Variants in AHSA1 observed in about 807,000 individuals in gnomAD.
The protein encoded by AHSA1 is activator of HSP90 ATPase activity 1, also known as activator of 90 kDa heat shock protein ATPase homolog 1.
A neutral mutation model predicts 46.1 loss-of-function variants in AHSA1; 14 were observed. The ratio of observed to expected loss-of-function variants is 0.30; its 90% CI spans 0.20 to 0.47. AHSA1 has a LOEUF of 0.47. Among genes scored for constraint, AHSA1 ranks in the 20% least tolerant of loss-of-function variants. AHSA1 has a pLI of 0.99. For missense variants in AHSA1, 333 were observed against 415.9 expected (o/e 0.80, Z 1.73); for synonymous variants, 147 against 145.8 (o/e 1.01, Z -0.06).
Position 77,469,142 on chromosome 14 carries a change from G to A in AHSA1, c.910G>A (p.Gly304Ser). Residue 304 changes from glycine (G) to serine (S), a missense_variant, in exon 9 of 9, where the codon GGT becomes AGT. By Grantham distance (56) the Gly-to-Ser change is moderately conservative. Coordinates refer to ENST00000216479, the MANE Select transcript of AHSA1 (RefSeq NM_012111.3). ...KNGETELCME[G>S]RGIPAPEEER... Reference sequence around the variant, plus strand: ...CGGAGAGACTGAGCTGTGCATGGAAGGTCGAGGCATCCCTGCTCCTGAGGA... The same window carrying A: ...CGGAGAGACTGAGCTGTGCATGGAAAGTCGAGGCATCCCTGCTCCTGAGGA... The A allele has an allele frequency of 6.2e-7, 1 of 1,614,236 alleles. No individual in the cohort carries two copies. The highest frequency in any genetic ancestry group is 1.3e-5 in the African/African-American group (1 of 75,068).
intron 2 of AHSA1, among the ~76,000 whole-genome samples, chr14:77,461,257 G>A (rs888847693): frequency 1.3e-5 from 2 of 152,264 alleles, no homozygotes; most frequent in Non-Finnish European, 2.9e-5. Context: ...AAAGCCAGGC[G>A]CGGCGGCTCA....
intron 2 of AHSA1, among the ~76,000 whole-genome samples, chr14:77,461,535 G>A (rs1185803835): frequency 6.6e-6 from 1 of 152,168 alleles, no homozygotes; most frequent in Non-Finnish European, 1.5e-5. Context: ...GTCTTGCGGG[G>A]GGAAAAGGTG....
intron 6 of AHSA1, among the ~76,000 whole-genome samples, chr14:77,465,973 C>T (rs868229303): frequency 4.6e-5 from 7 of 152,136 alleles, no homozygotes; most frequent in African/African-American, 1.4e-4. Flanking sequence ...ACTATAGGCA[C>T]ACGCCATCAC....
rs2139941622 is a variant in AHSA1 at position 77,464,794 on chromosome 14, G to T, written c.561+108G>T. The T allele has an allele frequency of 6.7e-6, 6 of 898,260 alleles. No homozygotes were observed. The South Asian group carries it at 6.9e-5, about 10-fold the overall frequency. 55.6% of individuals were successfully genotyped at this position (898,260 alleles called of 1,614,324 possible). ...TGTCCCTAACCTCTAAGCCAGACCA[G>T]CCTGCGATCTGCTCATGGTGCTTTT... On this transcript the variant is annotated intron_variant, in intron 5 of 8. Transcript: ENST00000216479.
At chr14:77,463,887 A>C (rs2079036904) in intron 4 of AHSA1, among the ~76,000 whole-genome samples, 1 of 152,234 alleles carries the variant, frequency 6.6e-6, no homozygotes, top group African/African-American at 2.4e-5. Context: ...CACCAGTGCC[A>C]TAACTAGTTG....
intron 2 of AHSA1, among the ~76,000 whole-genome samples, chr14:77,461,379 A>G (rs1055434170): frequency 2.0e-5 from 3 of 151,852 alleles, no homozygotes; most frequent in African/African-American, 7.3e-5. Context: ...AAAATACAAA[A>G]ATTAGCCGTG....
At chr14:77,462,951 G>T in intron 4 of AHSA1, 192 bp downstream of exon 4, 1 of 522,296 alleles carries the variant, frequency 1.9e-6, no homozygotes, top group Non-Finnish European at 3.5e-6. Context: ...AATAATGATG[G>T]TTGAGCATTT....
rs781310945 is a variant in AHSA1 at position 77,459,865 on chromosome 14, G to C, written c.271+59G>C. On this transcript the variant is annotated intron_variant, in intron 2 of 8. Coordinates refer to ENST00000216479, the MANE Select transcript of AHSA1 (RefSeq NM_012111.3). ...TGTGTTTTGTTTAACCTGTTAAGTA[G>C]CTGGAGAGAACAGTTTTGAGGAGTT... is the stretch of plus-strand genomic sequence containing the variant. 2.5e-6 allele frequency: 4 copies of C among 1,584,050 alleles called. No individual in the cohort carries two copies. The African/African-American group carries it at 5.4e-5, about 21-fold the overall frequency.
chr14:77,462,537 A>G (rs2079030233), intron 3 of AHSA1, 105 bp from the exon 4 acceptor site: 2 of 1,059,996 alleles, frequency 1.9e-6, no homozygotes, highest in African/African-American at 3.1e-5. Context: ...GTACTCATGC[A>G]TTTCCTTTGG....
intron 2 of AHSA1, among the ~76,000 whole-genome samples, chr14:77,461,812 C>T (rs1383989438): frequency 6.6e-6 from 1 of 152,098 alleles, no homozygotes; most frequent in Non-Finnish European, 1.5e-5. Flanking sequence ...TCAAATTGTT[C>T]CCTAATATTT....
chr14:77,464,389 A>G (rs966706664), intron 4 of AHSA1, among the ~76,000 whole-genome samples: 1 of 152,156 alleles, frequency 6.6e-6, no homozygotes, highest in Non-Finnish European at 1.5e-5. Context: ...AAAAATAATA[A>G]TAATCCCAGT....
chr14:77,468,138 A>T lies in AHSA1; in HGVS notation c.746A>T (p.Lys249Met). ...PATLEADRGGKFHMVDGNVSG... is the reference protein window; with the variant it reads ...PATLEADRGGMFHMVDGNVSG... Reference sequence around the variant, plus strand: ...ACATTAGAAGCAGACAGAGGTGGAAAGTTCCACATGGTAGATGGCAACGTC... The same window carrying T: ...ACATTAGAAGCAGACAGAGGTGGAATGTTCCACATGGTAGATGGCAACGTC... The change falls in exon 7 of 9, where the codon AAG becomes ATG. Residue 249 changes from lysine to methionine, a missense_variant. By Grantham distance (95) the Lys-to-Met change is moderately conservative (BLOSUM62 -1). Transcript: ENST00000216479. 6.4e-7 allele frequency: 1 copy of T among 1,566,578 alleles called. No individual in the cohort carries two copies.
At position 77,458,113 on chromosome 14, in the gene AHSA1, G is replaced by A; in HGVS notation, c.-77G>A. Reference sequence around the variant, plus strand: ...CTTCTAGTAGTTTCCAGGCGCTGCCGGGCGGCTGGCACTAAGCGGTCCTGA... The same window carrying A: ...CTTCTAGTAGTTTCCAGGCGCTGCCAGGCGGCTGGCACTAAGCGGTCCTGA... On this transcript the variant is annotated 5_prime_UTR_variant, in exon 1 of 9. Transcript: ENST00000216479. 1 of 1,318,858 alleles carries A rather than the reference G, an allele frequency of 7.6e-7. No individual in the cohort carries two copies. Among genetic ancestry groups the A allele is most frequent in the Non-Finnish European group, 1.0e-6 (1 of 998,424 alleles). The allele number at this position is 1,318,858 out of a possible 1,614,324, so 81.7% of individuals were successfully genotyped here. A position where few individuals can be genotyped will look rare whatever the true frequency, so the allele number is the denominator to read the frequency against.
chr14:77,460,669 A>G (rs1269703047), intron 2 of AHSA1, among the ~76,000 whole-genome samples: 1 of 150,726 alleles, frequency 6.6e-6, no homozygotes, highest in Non-Finnish European at 1.5e-5. Context: ...GGGTTTAACC[A>G]GTTCTCCTGC....
upstream of AHSA1, chr14:77,458,070 A>G (rs377556467): frequency 3.7e-6 from 3 of 809,208 alleles, no homozygotes; most frequent in East Asian, 3.3e-5. Context: ...AAAGCAAGCC[A>G]GGAGGTGCTT....
chr14:77,461,355 C>T (rs1035766187), intron 2 of AHSA1, among the ~76,000 whole-genome samples: 1 of 152,012 alleles, frequency 6.6e-6, no homozygotes, highest in African/African-American at 2.4e-5. Flanking sequence ...ATGGTGAAAC[C>T]CCATCTCTAC....
chr14:77,462,566 G>A (rs1203880907), intron 3 of AHSA1, 76 bp from the exon 4 acceptor site: 2 of 1,340,210 alleles, frequency 1.5e-6, no homozygotes, highest in Non-Finnish European at 1.1e-6. Flanking sequence ...GCAGTCACCT[G>A]ATTGCTCAGC....
At chr14:77,468,689 A>AGTAGCTG (rs2079059080) in intron 8 of AHSA1, 181 bp downstream of exon 8, 1 of 574,446 alleles carries the variant, frequency 1.7e-6, no homozygotes, top group Non-Finnish European at 3.0e-6. Flanking sequence ...CAGCTTCCCA[A>AGTAGCTG]GTAGCTGAGA....
intron 6 of AHSA1, among the ~76,000 whole-genome samples, chr14:77,467,606 T>C (rs781155517): frequency 2.9e-4 from 44 of 151,584 alleles, no homozygotes; most frequent in Admixed American, 1.3e-4. Flanking sequence ...AAGCAGAGAA[T>C]TGCTTAAAAC....
Sources: allele counts gnomAD v4.1 joint callset (sites outside exome capture counted in the v4.1 genomes callset), GRCh38; gene constraint gnomAD v4.1.1; transcripts MANE v1.5; gene names NCBI Gene and HGNC (gene_info 2026-07-23, HGNC 2026-07-21).